MICAL2: variants seen among roughly 807,000 people sequenced by gnomAD.
MICAL2 encodes the protein microtubule associated monooxygenase, calponin and LIM domain containing 2.
MICAL2 carries 77 observed loss-of-function variants against 127.3 expected under a neutral mutation model. That is an observed-to-expected ratio of 0.60 (90% confidence interval 0.50 to 0.73). MICAL2 has a LOEUF of 0.73. MICAL2 is among the 30% of genes least tolerant of loss of function. The pLI is 0.00. For synonymous variants in MICAL2, 570 were observed against 551.1 expected (o/e 1.03, Z -0.48); for missense variants, 1,351 against 1,434.4 (o/e 0.94, Z 0.94).
chr11:12,233,597 A>AT (rs1025042134), intron 15 of MICAL2, among the ~76,000 whole-genome samples: 4 of 152,206 alleles, frequency 2.6e-5, no homozygotes, highest in African/African-American at 9.6e-5. Flanking sequence ...TACGTCTTTG[A>AT]TTTTTTTTAA....
At chr11:12,350,012 CGAAG>C in intron 33 of MICAL2, 1 of 1,228,244 alleles carries the variant, frequency 8.1e-7, no homozygotes, top group Non-Finnish European at 1.2e-6. Flanking sequence ...CCTCCTAGGC[CGAAG>C]TCTCGGGACT....
At position 12,255,748 on chromosome 11, in the gene MICAL2, C is replaced by T. The variant is rs752465982; in HGVS notation, c.2953C>T (p.Leu985=). 6.2e-7 allele frequency: 1 copy of T among 1,611,762 alleles called. No individual in the cohort carries two copies. The highest frequency in any genetic ancestry group is 8.5e-7 in the Non-Finnish European group (1 of 1,178,692). Residue 985 remains leucine (L), a splice_region_variant and synonymous_variant, in exon 23 of 28, where the codon CTG becomes TTG. Coordinates refer to ENST00000683283, the MANE Select transcript of MICAL2 (RefSeq NM_001282663.2). ...TAAGGCCCAGGCCACCTCTCCAGACCTGGTAAGGACATGCACCCCCAGCCT... is the reference window on the plus strand; with the variant it reads ...TAAGGCCCAGGCCACCTCTCCAGACTTGGTAAGGACATGCACCCCCAGCCT... ...RPKAQATSPD[L]ESMRKSFPLN... is the part of the protein sequence containing the mutation.
At chr11:12,299,675 T>G (rs1337918616) in intron 29 of MICAL2, among the ~76,000 whole-genome samples, 1 of 152,224 alleles carries the variant, frequency 6.6e-6, no homozygotes, top group East Asian at 1.9e-4. Flanking sequence ...ACGTTTTTAT[T>G]GCAGTATTAC....
At chr11:12,280,906 C>T (rs535577600) in intron 1 of MICAL2, 111 of 399,008 alleles carry the variant, frequency 2.8e-4, no homozygotes, top group African/African-American at 1.8e-3. Context: ...CCCCCTGACT[C>T]ACCCACCCAC....
chr11:12,245,848 A>C (rs1590612476), intron 21 of MICAL2, among the ~76,000 whole-genome samples: 2 of 152,220 alleles, frequency 1.3e-5, no homozygotes, highest in African/African-American at 4.8e-5. Context: ...TATACTCCCT[A>C]CTACGGGAAA....
At chr11:12,133,411 A>G (rs2012122) in intron 1 of MICAL2, among the ~76,000 whole-genome samples, 52,713 of 152,018 alleles carry the variant, frequency 0.35, 9,726 homozygotes, top group Admixed American at 0.4. Flanking sequence ...CTTTAAAAAC[A>G]CACCTGAAGG....
intron 3 of MICAL2, among the ~76,000 whole-genome samples, chr11:12,165,729 C>T (rs1031562343): frequency 2.0e-5 from 3 of 152,182 alleles, no homozygotes; most frequent in African/African-American, 2.4e-5. Context: ...TACACACGTG[C>T]GTGTGACAGT....
chr11:12,204,376 C>T lies in MICAL2; in HGVS notation c.391C>T (p.Pro131Ser). ...FSRNNVLHLW[P>S]FTIHDLRGLG... ...CCGGAACAACGTGCTACACCTCTGG[C>T]CTTTCACCATCCATGACCTTCGTGG... Residue 131 changes from proline (P) to serine (S), a missense_variant, in exon 4 of 28, where the codon CCT becomes TCT. Coordinates refer to ENST00000683283, the MANE Select transcript of MICAL2 (RefSeq NM_001282663.2). 2 of 1,612,524 alleles carry T rather than the reference C, an allele frequency of 1.2e-6. No homozygotes were observed. Among genetic ancestry groups the T allele is most frequent in the Non-Finnish European group, 1.7e-6 (2 of 1,178,970 alleles).
At chr11:12,319,094 T>C (rs977699965) in intron 29 of MICAL2, among the ~76,000 whole-genome samples, 2 of 152,252 alleles carry the variant, frequency 1.3e-5, no homozygotes, top group African/African-American at 4.8e-5. Flanking sequence ...CATGAGACTA[T>C]GTGATAAAAC....
chr11:12,360,953 T>C (rs1800308748), downstream of MICAL2, among the ~76,000 whole-genome samples: 1 of 152,184 alleles, frequency 6.6e-6, no homozygotes, highest in Non-Finnish European at 1.5e-5. Context: ...ATTCCTTATT[T>C]ACAAGAGAGA....
At chr11:12,267,787 A>G (rs918993724), downstream of MICAL2, among the ~76,000 whole-genome samples, 2 of 152,142 alleles carry the variant, frequency 1.3e-5, no homozygotes, top group Non-Finnish European at 2.9e-5. Context: ...TTTTTAGTAG[A>G]GACAGGGTTT....
intron 2 of MICAL2, among the ~76,000 whole-genome samples, chr11:12,154,879 A>G (rs1048492091): frequency 2.0e-5 from 3 of 152,158 alleles, no homozygotes; most frequent in African/African-American, 4.8e-5. Context: ...TTCTGTATAT[A>G]TGGCTCATAT....
chr11:12,294,206 G>A (rs1863943455), downstream of MICAL2: 1 of 1,614,052 alleles, frequency 6.2e-7, no homozygotes, highest in Non-Finnish European at 8.5e-7. Context: ...ACAAGCTCAA[G>A]GGGAGCGAAA....
At chr11:12,218,549 G>T (rs954357785) in intron 8 of MICAL2, among the ~76,000 whole-genome samples, 1 of 152,194 alleles carries the variant, frequency 6.6e-6, no homozygotes, top group Non-Finnish European at 1.5e-5. Context: ...TTTTGAAGGG[G>T]GGGTGTTTGA....
At chr11:12,347,649 A>G (rs1239340499) in intron 32 of MICAL2, among the ~76,000 whole-genome samples, 2 of 152,332 alleles carry the variant, frequency 1.3e-5, no homozygotes, top group East Asian at 3.9e-4. Context: ...AAAAAATAAT[A>G]CAGATAGAAA....
In MICAL2 at chr11:12,262,610, C is replaced by T. The variant is rs142785100; in HGVS notation, c.*17+73C>T. 1,553 of 1,254,060 alleles carry T rather than the reference C, an allele frequency of 1.2e-3. 13 individuals are homozygous for T. The highest frequency in any genetic ancestry group is 7.0e-3 in the African/African-American group (476 of 67,958). 77.7% of individuals were successfully genotyped at this position (1,254,060 alleles called of 1,614,324 possible). A position where few individuals can be genotyped will look rare whatever the true frequency, so the allele number is the denominator to read the frequency against. Reference sequence around the variant, plus strand: ...CCCGCTTTCCGCACCCCGTCCTCTCCGCCAGCAGTACTGGTTGCACTAACT... The same window carrying T: ...CCCGCTTTCCGCACCCCGTCCTCTCTGCCAGCAGTACTGGTTGCACTAACT... On this transcript the variant is annotated intron_variant, in intron 27 of 27. Transcript: ENST00000683283.
chr11:12,124,388 G>A (rs769147806), intron 1 of MICAL2, among the ~76,000 whole-genome samples: 1 of 152,116 alleles, frequency 6.6e-6, no homozygotes, highest in Non-Finnish European at 1.5e-5. Context: ...GACCTAAGAC[G>A]CCTTTCTGAA....
At position 12,239,539 on chromosome 11, in the gene MICAL2, T is replaced by C; in HGVS notation, c.2168T>C (p.Leu723Pro). The change falls in exon 17 of 28, where the codon CTG becomes CCG. Residue 723 changes from leucine (L) to proline (P), a missense_variant. Around this residue, in one of 2 missense-constraint regions of MICAL2, gnomAD observed 752 missense variants for 719.4 expected, o/e 1.05. Transcript: ENST00000683283. ...GTCAAGTCCATGGCGAATCAGCTGC[T>C]GGCCAAGTTTGAGGAGAGCACTCGG... is the stretch of plus-strand genomic sequence containing the variant. Reference protein sequence around the residue: ...NKVKSMANQLLAKFEESTRNP... With the variant: ...NKVKSMANQLPAKFEESTRNP... 6.2e-7 allele frequency: 1 copy of C among 1,614,248 alleles called. No individual in the cohort carries two copies. The highest frequency in any genetic ancestry group is 8.5e-7 in the Non-Finnish European group (1 of 1,180,048).
chr11:12,260,836 T>C, intron 26 of MICAL2: 1 of 985,394 alleles, frequency 1.0e-6, no homozygotes, highest in Non-Finnish European at 1.2e-6. Flanking sequence ...CTTAAAGGCT[T>C]TCCCCCCCAT....
Sources: gnomAD v4.1 joint callset for allele counts (sites outside exome capture counted in the v4.1 genomes callset) on GRCh38, gnomAD v4.1.1 for gene constraint, gnomAD v4.1.1 regional missense constraint, MANE v1.5 for transcripts, NCBI Gene and HGNC (gene_info 2026-07-23, HGNC 2026-07-21) for gene names.